Variants in KIRREL3 observed in about 807,000 individuals in gnomAD.
KIRREL3 encodes the protein kirre like nephrin family adhesion molecule 3, also known as kin of IRRE-like protein 3.
In KIRREL3, 36 loss-of-function variants were observed where a neutral mutation model predicts 89.7. The observed-to-expected ratio is 0.40, with a 90% CI of 0.31 to 0.53. The LOEUF (loss-of-function observed/expected upper bound fraction) is 0.53. Among genes scored for constraint, KIRREL3 ranks in the 20% least tolerant of loss-of-function variants. The probability of loss-of-function intolerance (pLI) is 0.49; values close to 1 mark genes in which losing one functional copy is unlikely to be tolerated. For synonymous variants in KIRREL3, 445 were observed against 441.4 expected (o/e 1.01, Z -0.10); for missense variants, 864 against 1,056.6 (o/e 0.82, Z 2.53).
intron 1 of KIRREL3, among the ~76,000 whole-genome samples, chr11:126,785,945 A>G (rs1188020986): frequency 6.6e-6 from 1 of 150,502 alleles, no homozygotes; most frequent in Non-Finnish European, 1.5e-5. Flanking sequence ...TTAGAAAGCA[A>G]TTTGGCAATG....
At chr11:126,595,304 C>A (rs570723145) in intron 1 of KIRREL3, among the ~76,000 whole-genome samples, 211 of 152,326 alleles carry the variant, frequency 1.4e-3, no homozygotes, top group African/African-American at 4.9e-3. Flanking sequence ...TCCAGCCTGG[C>A]TCCAGAGATC....
intron 1 of KIRREL3, among the ~76,000 whole-genome samples, chr11:126,757,571 G>A (rs1949544962): frequency 6.6e-6 from 1 of 152,114 alleles, no homozygotes; most frequent in African/African-American, 2.4e-5. Flanking sequence ...GGATAGGCAG[G>A]GGGCCCAGCA....
At position 126,903,385 on chromosome 11, in the gene KIRREL3, A is replaced by G. The variant is rs1051109739; in HGVS notation, c.55+97070T>C. On this transcript the variant is annotated intron_variant, in intron 1 of 16. Coordinates refer to ENST00000525144, the MANE Select transcript of KIRREL3 (RefSeq NM_032531.4). This position sits in a 1 kb window ranked among gnomAD's most constrained non-coding sequence, Gnocchi z 4.5. ...AGAGGCCACTTAAATTCAACTCTCC[A>G]TGGATACAGTGTCTGTGGCAATGTT... Among the ~76,000 whole-genome samples the G allele has an allele frequency of 3.9e-5, 6 of 152,110 alleles. No individual in the cohort carries two copies. The highest frequency in any genetic ancestry group is 1.3e-4 in the Admixed American group (2 of 15,244).
chr11:126,939,131 G>A (rs1948330108), intron 1 of KIRREL3, among the ~76,000 whole-genome samples: 1 of 152,156 alleles, frequency 6.6e-6, no homozygotes, highest in South Asian at 2.1e-4. Context: ...GCTGCTGTGG[G>A]GGTCTGTGCA....
intron 1 of KIRREL3, among the ~76,000 whole-genome samples, chr11:126,846,059 T>A (rs944859291): frequency 3.3e-5 from 5 of 152,228 alleles, no homozygotes; most frequent in African/African-American, 1.2e-4. Flanking sequence ...CATTGTGTTA[T>A]CTGATGGTTT....
intron 1 of KIRREL3, among the ~76,000 whole-genome samples, chr11:126,717,045 G>T (rs573529800): frequency 3.5e-4 from 53 of 152,282 alleles, no homozygotes; most frequent in African/African-American, 1.3e-3. Flanking sequence ...TCTGGAAGAA[G>T]CATTTGATTC....
rs1949482365 is a variant in KIRREL3 at position 126,755,871 on chromosome 11, G to GA, written c.56-192960dup. ...AGAGAGAGAGGGAGAGAGGGAGAGAGAAAAAACAGAGAGAGAGAGAGAGAG... is the reference window on the plus strand; with the variant it reads ...AGAGAGAGAGGGAGAGAGGGAGAGAGAAAAAAACAGAGAGAGAGAGAGAGAG... On this transcript the variant is annotated intron_variant, in intron 1 of 16. Transcript: ENST00000525144. This position sits in a 1 kb window ranked among gnomAD's most constrained non-coding sequence, Gnocchi z 4.3. Among the ~76,000 whole-genome samples, 1 of 126,250 alleles carries GA rather than the reference G, an allele frequency of 7.9e-6. No individual in the cohort carries two copies. The highest frequency in any genetic ancestry group is 1.7e-5 in the Non-Finnish European group (1 of 59,890). The allele number at this position is 126,250 out of a possible 152,430, so 82.8% of individuals were successfully genotyped here.
intron 1 of KIRREL3, among the ~76,000 whole-genome samples, chr11:126,701,492 C>G (rs545028452): frequency 2.6e-5 from 4 of 152,094 alleles, no homozygotes; most frequent in Non-Finnish European, 5.9e-5. Context: ...TGGCTTGGAG[C>G]TTGCAATCTC....
chr11:126,456,318 C>T, intron 7 of KIRREL3, 31 bp downstream of exon 7: 1 of 1,474,562 alleles, frequency 6.8e-7, no homozygotes, highest in South Asian at 1.2e-5. Context: ...GGCCAGTGGC[C>T]AGGCCGGGCC....
Position 126,520,569 on chromosome 11 carries a change from T to C in KIRREL3, c.433+746A>G, listed in dbSNP as rs1458259139. ...AAGGCCTGGTTCTCAGCAGCCTTGA[T>C]CCTCGGTAACATTTGGCCAGAGGAG... On this transcript the variant is annotated intron_variant, in intron 4 of 16. Coordinates refer to ENST00000525144, the MANE Select transcript of KIRREL3 (RefSeq NM_032531.4). The surrounding 1 kb of genome is among the most constrained non-coding windows in gnomAD (Gnocchi z 4.9). Among the ~76,000 whole-genome samples the C allele has an allele frequency of 6.6e-6, 1 of 152,166 alleles. No homozygotes were observed. Among genetic ancestry groups the C allele is most frequent in the African/African-American group, 2.4e-5 (1 of 41,434 alleles).
chr11:126,445,834 A>C (rs1416203890), intron 9 of KIRREL3, among the ~76,000 whole-genome samples: 1 of 152,138 alleles, frequency 6.6e-6, no homozygotes. Context: ...TTATGCACTG[A>C]AGAATATATA....
intron 1 of KIRREL3, among the ~76,000 whole-genome samples, chr11:126,863,422 CATGTGT>C (rs1565362834): frequency 2.5e-5 from 3 of 118,250 alleles, no homozygotes; most frequent in African/African-American, 8.6e-5. Context: ...TGTGTGAGCG[CATGTGT>C]GTGAGTGCGT....
chr11:126,773,695 G>C lies in KIRREL3; in HGVS notation c.56-210783C>G, dbSNP rs532731044. Reference sequence around the variant, plus strand: ...TATGTATGTGTGTGTGTGTGTGTTTGTGTGTGTGTTTTCCTGTGAGCTCCT... The same window carrying C: ...TATGTATGTGTGTGTGTGTGTGTTTCTGTGTGTGTTTTCCTGTGAGCTCCT... On this transcript the variant is annotated intron_variant, in intron 1 of 16. Transcript: ENST00000525144. The surrounding 1 kb of genome is among the most constrained non-coding windows in gnomAD (Gnocchi z 4.2). Among the ~76,000 whole-genome samples, 14 of 152,166 alleles carry C rather than the reference G, an allele frequency of 9.2e-5. No homozygotes were observed. The highest frequency in any genetic ancestry group is 6.2e-4 in the South Asian group (3 of 4,826).
rs1948612909 is a variant in KIRREL3 at position 126,946,078 on chromosome 11, A to G, written c.55+54377T>C. On this transcript the variant is annotated intron_variant, in intron 1 of 16. Coordinates refer to ENST00000525144, the MANE Select transcript of KIRREL3 (RefSeq NM_032531.4). This position sits in a 1 kb window ranked among gnomAD's most constrained non-coding sequence, Gnocchi z 4.1. ...AGCTGGGTGTTTTAGAAATTCAGGT[A>G]GTCACAAATCCTGACCAGAATGGCT... 6.6e-6 allele frequency among the ~76,000 whole-genome samples: 1 copy of G among 152,180 alleles called. No homozygotes were observed.
At chr11:126,826,485 C>G (rs568147298) in intron 1 of KIRREL3, among the ~76,000 whole-genome samples, 32 of 152,222 alleles carry the variant, frequency 2.1e-4, no homozygotes, top group African/African-American at 7.5e-4. Flanking sequence ...GAGCATCATT[C>G]TTTCTCTCCT....
intron 10 of KIRREL3, among the ~76,000 whole-genome samples, chr11:126,442,143 C>T (rs1189484666): frequency 1.3e-5 from 2 of 151,410 alleles, no homozygotes; most frequent in East Asian, 1.9e-4. Flanking sequence ...TATTATTTAG[C>T]CTCCCTACTT....
chr11:126,583,381 A>G (rs666333), intron 1 of KIRREL3, among the ~76,000 whole-genome samples: 148,657 of 152,306 alleles, frequency 0.98, 72,572 homozygotes, highest in East Asian at 1. Context: ...CCTCAGCTTA[A>G]GATAGCTGGG....
chr11:126,502,689 G>A (rs1447040533), intron 4 of KIRREL3, among the ~76,000 whole-genome samples: 1 of 152,228 alleles, frequency 6.6e-6, no homozygotes, highest in Admixed American at 6.5e-5. Context: ...CGCAGACTTG[G>A]AAATGTTTCC....
At chr11:126,713,644 G>A (rs370362516) in intron 1 of KIRREL3, among the ~76,000 whole-genome samples, 1 of 152,286 alleles carries the variant, frequency 6.6e-6, no homozygotes. Flanking sequence ...ATTCTGCAGA[G>A]GGCGACAGAC....
Sources: allele counts gnomAD v4.1 joint callset (sites outside exome capture counted in the v4.1 genomes callset), GRCh38; gene constraint gnomAD v4.1.1; non-coding constraint Gnocchi (gnomAD v3.1); transcripts MANE v1.5; gene names NCBI Gene and HGNC (gene_info 2026-07-23, HGNC 2026-07-21).